The following HSF2BP variants were observed in gnomAD, a reference collection of about 807,000 sequenced individuals.
HSF2BP encodes heat shock transcription factor 2 binding protein.
A neutral mutation model predicts 35.0 loss-of-function variants in HSF2BP; 35 were observed. The observed-to-expected ratio is 1.00, with a 90% CI of 0.76 to 1.32. The LOEUF (loss-of-function observed/expected upper bound fraction) is 1.32. HSF2BP is among the 40% of genes most tolerant of loss of function. HSF2BP has a pLI of 0.00. For synonymous variants in HSF2BP, 114 were observed against 117.4 expected (o/e 0.97, Z 0.18); for missense variants, 326 against 321.7 (o/e 1.01, Z -0.10).
At chr21:43,589,374 G>T (rs571296610) in intron 8 of HSF2BP, among the ~76,000 whole-genome samples, 10 of 152,238 alleles carry the variant, frequency 6.6e-5, no homozygotes, top group Non-Finnish European at 1.2e-4. Flanking sequence ...AATAAATGAA[G>T]ACATATACTT....
At chr21:43,592,459 T>C in intron 7 of HSF2BP, 131 bp from the exon 8 acceptor site, 2 of 617,518 alleles carry the variant, frequency 3.2e-6, no homozygotes, top group South Asian at 2.1e-5. Flanking sequence ...AATTCTATAA[T>C]GTGAATTAAT....
rs2081605011 is a variant in HSF2BP at position 43,573,708 on chromosome 21, C to T, written c.796+18517G>A. 2.0e-5 allele frequency among the ~76,000 whole-genome samples: 3 copies of T among 152,114 alleles called. No individual in the cohort carries two copies. The South Asian group carries it at 6.2e-4, about 32-fold the overall frequency. Reference sequence around the variant, plus strand: ...GCTGGTGGCGTCCTGGGGGGAAGGCCCTGTGAAATGAAGGGGCACCTGGCA... The same window carrying T: ...GCTGGTGGCGTCCTGGGGGGAAGGCTCTGTGAAATGAAGGGGCACCTGGCA... On this transcript the variant is annotated intron_variant, in intron 8 of 8. Coordinates refer to ENST00000291560, the MANE Select transcript of HSF2BP (RefSeq NM_007031.2).
intron 4 of HSF2BP, among the ~76,000 whole-genome samples, chr21:43,634,100 T>C (rs1212632236): frequency 6.6e-6 from 1 of 152,158 alleles, no homozygotes; most frequent in Non-Finnish European, 1.5e-5. Flanking sequence ...GGAGTCCTAT[T>C]CATGCCCTGG....
intron 4 of HSF2BP, among the ~76,000 whole-genome samples, chr21:43,637,502 TAA>T (rs2082579218): frequency 6.6e-6 from 1 of 151,542 alleles, no homozygotes; most frequent in Non-Finnish European, 1.5e-5. Context: ...AATAAATAAA[TAA>T]ATAAATAAAA....
intron 6 of HSF2BP, among the ~76,000 whole-genome samples, chr21:43,622,756 G>A (rs2082345236): frequency 6.6e-6 from 1 of 151,992 alleles, no homozygotes; most frequent in Non-Finnish European, 1.5e-5. Flanking sequence ...AGTAATGGCC[G>A]GATGGTCCAG....
At chr21:43,595,876 C>T (rs1016902819) in intron 7 of HSF2BP, among the ~76,000 whole-genome samples, 14 of 151,252 alleles carry the variant, frequency 9.3e-5, no homozygotes, top group African/African-American at 3.4e-4. Flanking sequence ...AGGCATATGC[C>T]ACCACACCCA....
intron 8 of HSF2BP, among the ~76,000 whole-genome samples, chr21:43,587,522 G>A (rs901866909): frequency 2.6e-5 from 4 of 151,896 alleles, no homozygotes; most frequent in African/African-American, 4.8e-5. Context: ...AAAATTAGCC[G>A]GGCGTGGTGG....
At chr21:43,581,101 A>T (rs1234374771) in intron 8 of HSF2BP, among the ~76,000 whole-genome samples, 3 of 152,210 alleles carry the variant, frequency 2.0e-5, no homozygotes, top group Admixed American at 1.3e-4. Context: ...GAAAGGTAAA[A>T]GGCAGCCGGA....
Position 43,642,175 on chromosome 21 carries a change from T to C in HSF2BP, c.291+2114A>G, listed in dbSNP as rs1296087923. On this transcript the variant is annotated intron_variant, in intron 4 of 8. Transcript: ENST00000291560. Reference sequence around the variant, plus strand: ...TTGTTTTAAAAATTATACAATAGAATTGTTCTTGTAAAAAATAAAAATTAA... The same window carrying C: ...TTGTTTTAAAAATTATACAATAGAACTGTTCTTGTAAAAAATAAAAATTAA... Among the ~76,000 whole-genome samples the C allele has an allele frequency of 5.3e-5, 8 of 152,186 alleles. 1 individual carries two copies. The Middle Eastern group carries it at 0.014, about 259-fold the overall frequency.
chr21:43,614,302 G>A (rs1226878891), intron 6 of HSF2BP, among the ~76,000 whole-genome samples: 1 of 151,138 alleles, frequency 6.6e-6, no homozygotes, highest in African/African-American at 2.4e-5. Flanking sequence ...GGTAGAGGCT[G>A]CAGTGAGCCA....
intron 8 of HSF2BP, among the ~76,000 whole-genome samples, chr21:43,572,380 G>A (rs776590735): frequency 5.9e-5 from 9 of 152,290 alleles, no homozygotes; most frequent in Non-Finnish European, 8.8e-5. Context: ...GTGACTGCCC[G>A]GAGAACATGT....
intron 2 of HSF2BP, 116 bp from the exon 3 acceptor site, chr21:43,656,853 T>C: frequency 1.3e-6 from 1 of 797,000 alleles, no homozygotes; most frequent in Non-Finnish European, 2.1e-6. Flanking sequence ...TCAAATCATG[T>C]CTCTACCTAC....
intron 3 of HSF2BP, among the ~76,000 whole-genome samples, chr21:43,654,377 T>C (rs1281044891): frequency 6.6e-6 from 1 of 152,250 alleles, no homozygotes; most frequent in African/African-American, 2.4e-5. Context: ...CACGTCTATT[T>C]GAACGTTGTA....
intron 4 of HSF2BP, among the ~76,000 whole-genome samples, chr21:43,640,703 A>G (rs2082624643): frequency 6.6e-6 from 1 of 152,200 alleles, no homozygotes; most frequent in South Asian, 2.1e-4. Context: ...AAGGGTATAG[A>G]TAACTTCCCT....
intron 8 of HSF2BP, among the ~76,000 whole-genome samples, chr21:43,573,446 T>G (rs1297265667): frequency 6.6e-6 from 1 of 152,198 alleles, no homozygotes; most frequent in African/African-American, 2.4e-5. Flanking sequence ...TAATTAGAAA[T>G]CTTGGAAAAT....
Position 43,632,151 on chromosome 21 carries a change from TCA to T in HSF2BP, c.441+1119_441+1120del, listed in dbSNP as rs1299740389. ...CACACACACGCTCCCACACACACAC[TCA>T]CACAGTCTCACACACACACGCTCCC... On this transcript the variant is annotated intron_variant, in intron 5 of 8. Transcript: ENST00000291560. Among the ~76,000 whole-genome samples the T allele has an allele frequency of 4.3e-4, 6 of 13,866 alleles. 1 individual carries two copies. The highest frequency in any genetic ancestry group is 1.1e-3 in the Non-Finnish European group (6 of 5,628). The allele number at this position is 13,866 out of a possible 152,430, so 9.1% of individuals were successfully genotyped here.
intron 4 of HSF2BP, among the ~76,000 whole-genome samples, chr21:43,634,897 C>T (rs1244139738): frequency 6.6e-6 from 1 of 152,146 alleles, no homozygotes; most frequent in African/African-American, 2.4e-5. Flanking sequence ...TTTTGGAATT[C>T]TAGCTTTTCT....
chr21:43,653,853 ACT>A (rs2082829832), intron 3 of HSF2BP, among the ~76,000 whole-genome samples: 1 of 152,104 alleles, frequency 6.6e-6, no homozygotes, highest in Non-Finnish European at 1.5e-5. Context: ...CACTCACAAG[ACT>A]TACTAGCGGA....
chr21:43,644,424 T>C, intron 3 of HSF2BP, 32 bp from the exon 4 acceptor site: 3 of 1,535,284 alleles, frequency 2.0e-6, no homozygotes, highest in Non-Finnish European at 2.7e-6. Flanking sequence ...ACTCAAGATA[T>C]TTCAAGTCAC....
Sources: allele counts gnomAD v4.1 joint callset (sites outside exome capture counted in the v4.1 genomes callset), GRCh38; gene constraint gnomAD v4.1.1; transcripts MANE v1.5; gene names NCBI Gene and HGNC (gene_info 2026-07-23, HGNC 2026-07-21).